The following DTX1 variants were observed in gnomAD, a reference collection of about 807,000 sequenced individuals.
DTX1 encodes the protein E3 ubiquitin-protein ligase DTX1.
A neutral mutation model predicts 57.8 loss-of-function variants in DTX1; 26 were observed. The ratio of observed to expected loss-of-function variants is 0.45; its 90% CI spans 0.33 to 0.62. DTX1 has a LOEUF of 0.62. Ranked by LOEUF, DTX1 falls within the 20% of genes least tolerant of loss-of-function variation. The pLI, the probability that DTX1 is intolerant of heterozygous loss-of-function variation, is 0.02. For synonymous variants in DTX1, 398 were observed against 394.1 expected (o/e 1.01, Z -0.12); for missense variants, 704 against 895.3 (o/e 0.79, Z 2.73).
chr12:113,086,111 T>G (rs1310685967), intron 3 of DTX1, among the ~76,000 whole-genome samples: 1 of 151,726 alleles, frequency 6.6e-6, no homozygotes, highest in Non-Finnish European at 1.5e-5. Flanking sequence ...TTACAAAATT[T>G]TTTTAAATTA....
chr12:113,072,275 C>G (rs1304061948), intron 2 of DTX1, among the ~76,000 whole-genome samples: 1 of 152,196 alleles, frequency 6.6e-6, no homozygotes, highest in Non-Finnish European at 1.5e-5. Context: ...TAGTCTTTGT[C>G]CTCCCAAAAG....
At chr12:113,061,352 G>A (rs1052665379) in intron 2 of DTX1, among the ~76,000 whole-genome samples, 7 of 152,232 alleles carry the variant, frequency 4.6e-5, no homozygotes, top group Admixed American at 1.3e-4. Flanking sequence ...TGGAGAGTGG[G>A]GCAAGAGGCC....
At position 113,096,980 on chromosome 12, in the gene DTX1, T is replaced by C; in HGVS notation, c.*41T>C. The C allele has an allele frequency of 1.9e-6, 3 of 1,565,764 alleles. No homozygotes were observed. Among genetic ancestry groups the C allele is most frequent in the Non-Finnish European group, 2.6e-6 (3 of 1,157,534 alleles). On this transcript the variant is annotated 3_prime_UTR_variant, in exon 10 of 10. Transcript: ENST00000548759. ...ACCTTCCCTCCTGCTTTGCCCCTGG[T>C]CCGGCAAATGCCTCCTTCGCCAGGT...
chr12:113,064,187 G>T (rs927256820), intron 2 of DTX1, among the ~76,000 whole-genome samples: 1 of 152,184 alleles, frequency 6.6e-6, no homozygotes, highest in African/African-American at 2.4e-5. Flanking sequence ...GGAGACTAGG[G>T]CTGGGCCTGA....
In DTX1 at chr12:113,078,003, C is replaced by T. The variant is rs2044786354; in HGVS notation, c.839C>T (p.Pro280Leu). Residue 280 changes from proline to leucine, a missense_variant, in exon 3 of 10, where the codon CCG becomes CTG. Around this residue, in one of 3 missense-constraint regions of DTX1, gnomAD observed 299 missense variants for 311.2 expected, o/e 0.96. Transcript: ENST00000548759. ...CCTCCCGGGGCGCCCCCACGGAGCC[C>T]GGGCGCCCCCGGCGGAGCGCGCACC... ...APPPGAPPRS[P>L]GAPGGARTPG... The T allele has an allele frequency of 9.0e-7, 1 of 1,115,088 alleles. No homozygotes were observed. Among genetic ancestry groups the T allele is most frequent in the Admixed American group, 5.1e-5 (1 of 19,570 alleles). 69.1% of individuals were successfully genotyped at this position (1,115,088 alleles called of 1,614,324 possible).
Position 113,093,486 on chromosome 12 carries a change from G to T in DTX1, c.1004-53G>T. The T allele has an allele frequency of 1.3e-6, 2 of 1,488,452 alleles. No homozygotes were observed. The highest frequency in any genetic ancestry group is 1.3e-5 in the South Asian group (1 of 74,576). The allele number at this position is 1,488,452 out of a possible 1,614,324, so 92.2% of individuals were successfully genotyped here. On this transcript the variant is annotated intron_variant, in intron 4 of 9. Transcript: ENST00000548759. This position sits in a 1 kb window ranked among gnomAD's most constrained non-coding sequence, Gnocchi z 4.2. ...CGGGATTCCCAGGGCCAGTGGTCGGGGGTTTGGGCGGGGATGGCGCCCCGC... is the reference window on the plus strand; with the variant it reads ...CGGGATTCCCAGGGCCAGTGGTCGGTGGTTTGGGCGGGGATGGCGCCCCGC...
chr12:113,070,121 C>T (rs2044729304), intron 2 of DTX1, among the ~76,000 whole-genome samples: 1 of 152,198 alleles, frequency 6.6e-6, no homozygotes, highest in Non-Finnish European at 1.5e-5. Flanking sequence ...TCTGTTTTCT[C>T]GCCTCTAAAA....
At chr12:113,086,526 G>T (rs184086340) in intron 3 of DTX1, among the ~76,000 whole-genome samples, 1 of 152,152 alleles carries the variant, frequency 6.6e-6, no homozygotes, top group Admixed American at 6.5e-5. Context: ...TGGGAGAGAC[G>T]GGTGGGACTG....
In DTX1 at chr12:113,093,356, C is replaced by A; in HGVS notation, c.1003+133C>A. The A allele has an allele frequency of 7.4e-7, 1 of 1,344,286 alleles. No individual in the cohort carries two copies. Among genetic ancestry groups the A allele is most frequent in the Non-Finnish European group, 1.0e-6 (1 of 1,000,384 alleles). The allele number at this position is 1,344,286 out of a possible 1,614,324, so 83.3% of individuals were successfully genotyped here. ...AGGAAACGCCCCCTTCCACTGGGCC[C>A]AGGACACAGGGCGGGCGTGGCCCGC... On this transcript the variant is annotated intron_variant, in intron 4 of 9. Coordinates refer to ENST00000548759, the MANE Select transcript of DTX1 (RefSeq NM_004416.3). This position sits in a 1 kb window ranked among gnomAD's most constrained non-coding sequence, Gnocchi z 4.2.
At chr12:113,082,657 G>T (rs547670931) in intron 3 of DTX1, among the ~76,000 whole-genome samples, 3 of 152,066 alleles carry the variant, frequency 2.0e-5, no homozygotes, top group Non-Finnish European at 2.9e-5. Context: ...GTACAGTGGC[G>T]CAATCACAGC....
rs776443157 is a variant in DTX1, at chr12:113,078,055, C to G, written c.891C>G (p.Pro297=). The G allele has an allele frequency of 1.1e-4, 147 of 1,378,394 alleles. No individual in the cohort carries two copies. Among genetic ancestry groups the G allele is most frequent in the Non-Finnish European group, 1.4e-4 (144 of 1,064,532 alleles). The allele number at this position is 1,378,394 out of a possible 1,614,324, so 85.4% of individuals were successfully genotyped here. A position where few individuals can be genotyped will look rare whatever the true frequency, so the allele number is the denominator to read the frequency against. The change falls in exon 3 of 10, where the codon CCC becomes CCG. Residue 297 remains proline (P), a synonymous_variant. Coordinates refer to ENST00000548759, the MANE Select transcript of DTX1 (RefSeq NM_004416.3). ...RTPGQNNLNR[P]GPQRTTSVSA... is the part of the protein sequence containing the mutation. The stretch of plus-strand genomic sequence containing the variant: ...CGGGGCAGAACAACCTCAACCGGCC[C>G]GGGCCCCAGCGCACCACCAGCGTGA...
intron 3 of DTX1, among the ~76,000 whole-genome samples, chr12:113,085,952 G>C (rs1416883176): frequency 1.3e-5 from 2 of 152,140 alleles, no homozygotes; most frequent in East Asian, 3.8e-4. Context: ...ACCTTCTTGA[G>C]CAAAGGTGGA....
chr12:113,072,440 A>G (rs1237977032), intron 2 of DTX1, among the ~76,000 whole-genome samples: 1 of 152,178 alleles, frequency 6.6e-6, no homozygotes, highest in East Asian at 1.9e-4. Context: ...TGCTGGATGA[A>G]TAGGAGTTTG....
At chr12:113,060,130 T>G (rs1448035032) in intron 2 of DTX1, among the ~76,000 whole-genome samples, 2 of 152,232 alleles carry the variant, frequency 1.3e-5, no homozygotes, top group Non-Finnish European at 2.9e-5. Flanking sequence ...GGCTTATTGA[T>G]GGTACAGATT....
intron 6 of DTX1, 98 bp from the exon 7 acceptor site, chr12:113,094,691 T>C (rs1400888788): frequency 2.1e-6 from 3 of 1,451,730 alleles, no homozygotes; most frequent in Non-Finnish European, 1.9e-6. Context: ...CCAGAGAGAG[T>C]GTGGTCTGCT....
At chr12:113,086,536 GT>G (rs1393312367) in intron 3 of DTX1, among the ~76,000 whole-genome samples, 1 of 152,198 alleles carries the variant, frequency 6.6e-6, no homozygotes, top group Non-Finnish European at 1.5e-5. Context: ...GGGTGGGACT[GT>G]TTTAACAGGT....
chr12:113,066,069 C>T (rs915609417), intron 2 of DTX1, among the ~76,000 whole-genome samples: 2 of 152,154 alleles, frequency 1.3e-5, no homozygotes, highest in African/African-American at 4.8e-5. Context: ...CCCCCATGAG[C>T]CCACCCAGCC....
intron 3 of DTX1, among the ~76,000 whole-genome samples, chr12:113,091,371 G>A (rs1336282577): frequency 7.0e-6 from 1 of 142,366 alleles, no homozygotes. Flanking sequence ...TTCATGGTGT[G>A]CATTCCCTAG....
Position 113,058,469 on chromosome 12 carries a change from C to T in DTX1, c.259+18C>T. On this transcript the variant is annotated intron_variant, in intron 2 of 9. Coordinates refer to ENST00000548759, the MANE Select transcript of DTX1 (RefSeq NM_004416.3). Reference sequence around the variant, plus strand: ...GGACACAGGTGAGCAGACACCCACCCCATGCCACCCGCCCCGCCGAGCCAT... The same window carrying T: ...GGACACAGGTGAGCAGACACCCACCTCATGCCACCCGCCCCGCCGAGCCAT... 1 of 1,577,518 alleles carries T rather than the reference C, an allele frequency of 6.3e-7. No homozygotes were observed. The highest frequency in any genetic ancestry group is 1.1e-5 in the South Asian group (1 of 87,126).
Sources: allele counts gnomAD v4.1 joint callset (sites outside exome capture counted in the v4.1 genomes callset), GRCh38; gene constraint gnomAD v4.1.1; regional missense constraint gnomAD v4.1.1; non-coding constraint Gnocchi (gnomAD v3.1); transcripts MANE v1.5; gene names NCBI Gene and HGNC (gene_info 2026-07-23, HGNC 2026-07-21).